Variants in NXPH1 observed in about 807,000 individuals in gnomAD.
NXPH1 encodes the protein neurexophilin 1.
In NXPH1, 5 loss-of-function variants were observed where a neutral mutation model predicts 23.7. The ratio of observed to expected loss-of-function variants is 0.21; its 90% confidence interval spans 0.11 to 0.44. The LOEUF is 0.44. NXPH1 is among the 20% of genes least tolerant of loss of function. The probability of loss-of-function intolerance (pLI) is 0.99; values close to 1 mark genes in which losing one functional copy is unlikely to be tolerated. For synonymous variants in NXPH1, 144 were observed against 122.2 expected (o/e 1.18, Z -1.18); for missense variants, 324 against 321.6 (o/e 1.01, Z -0.06).
At chr7:8,476,202 A>G (rs1816968569) in intron 2 of NXPH1, among the ~76,000 whole-genome samples, 1 of 152,176 alleles carries the variant, frequency 6.6e-6, no homozygotes, top group South Asian at 2.1e-4. Context: ...GTGTGTATTT[A>G]AAAGATGCCC....
chr7:8,525,498 A>G (rs1365372947), intron 2 of NXPH1, among the ~76,000 whole-genome samples: 1 of 152,210 alleles, frequency 6.6e-6, no homozygotes, highest in Non-Finnish European at 1.5e-5. Context: ...TTAATCCCCA[A>G]GACCATGGGG....
intron 2 of NXPH1, among the ~76,000 whole-genome samples, chr7:8,498,419 T>A (rs891510549): frequency 6.6e-6 from 1 of 152,082 alleles, no homozygotes; most frequent in Non-Finnish European, 1.5e-5. Context: ...TAATGACTAC[T>A]GGTTTATCAG....
chr7:8,633,353 A>C (rs1161429113), intron 2 of NXPH1, among the ~76,000 whole-genome samples: 5 of 152,150 alleles, frequency 3.3e-5, no homozygotes, highest in South Asian at 2.1e-4. Flanking sequence ...ACTTGAACCC[A>C]GGAGGCGGAG....
At chr7:8,527,087 T>C (rs933953633) in intron 2 of NXPH1, among the ~76,000 whole-genome samples, 1 of 152,192 alleles carries the variant, frequency 6.6e-6, no homozygotes, top group Admixed American at 6.5e-5. Flanking sequence ...TTAATTGGTA[T>C]TTGGGTAAAT....
In NXPH1 at chr7:8,572,964, G is replaced by A. The variant is rs533207063; in HGVS notation, c.54+137197G>A. ...TATGTTATTTTTTTTCTGATTAAAA[G>A]TAATACATGCAGGAATTTTGTAGAG... On this transcript the variant is annotated intron_variant, in intron 2 of 2. Coordinates refer to ENST00000405863, the MANE Select transcript of NXPH1 (RefSeq NM_152745.3). 4.6e-3 allele frequency among the ~76,000 whole-genome samples: 699 copies of A among 151,978 alleles called. 1 individual carries two copies. Among genetic ancestry groups the A allele is most frequent in the Non-Finnish European group, 8.1e-3 (547 of 67,910 alleles).
chr7:8,543,962 A>T (rs1176400285), intron 2 of NXPH1, among the ~76,000 whole-genome samples: 1 of 151,382 alleles, frequency 6.6e-6, no homozygotes, highest in African/African-American at 2.4e-5. Context: ...TTTTTTCTGG[A>T]GGCAATTGAG....
intron 2 of NXPH1, among the ~76,000 whole-genome samples, chr7:8,728,768 A>G (rs1780100047): frequency 6.6e-6 from 1 of 152,188 alleles, no homozygotes; most frequent in African/African-American, 2.4e-5. Context: ...TTTTTGCATC[A>G]ATATTCATCA....
rs559480791 is a variant in NXPH1 at position 8,593,774 on chromosome 7, T to C, written c.55-157234T>C. ...CTGTCGTTAACATGTAGAAAGTGGCTAATATTTTTAACAATGAGAACTGGC... is the reference window on the plus strand; with the variant it reads ...CTGTCGTTAACATGTAGAAAGTGGCCAATATTTTTAACAATGAGAACTGGC... On this transcript the variant is annotated intron_variant, in intron 2 of 2. Transcript: ENST00000405863. Among the ~76,000 whole-genome samples the C allele has an allele frequency of 1.6e-3, 239 of 152,176 alleles. 1 individual carries two copies. Among genetic ancestry groups the C allele is most frequent in the Non-Finnish European group, 2.3e-3 (159 of 67,960 alleles).
rs535284143 is a variant in NXPH1 at position 8,434,853 on chromosome 7, A to C, written c.-111+98A>C. 6.6e-6 allele frequency: 1 copy of C among 152,584 alleles called. No homozygotes were observed. The highest frequency in any genetic ancestry group is 1.5e-5 in the Non-Finnish European group (1 of 68,148). The allele number at this position is 152,584 out of a possible 1,614,324, so 9.5% of individuals were successfully genotyped here. A position where few individuals can be genotyped will look rare whatever the true frequency, so the allele number is the denominator to read the frequency against. On this transcript the variant is annotated intron_variant, in intron 1 of 2. Transcript: ENST00000405863. This position sits in a 1 kb window ranked among gnomAD's most constrained non-coding sequence, Gnocchi z 7.6. ...GGCAGGGAGGGGCGCTGGTTAGGAA[A>C]GAGAACAAGCCTGGCAGGTGACCCT...
At chr7:8,666,406 C>A (rs1290390677) in intron 2 of NXPH1, among the ~76,000 whole-genome samples, 2 of 151,866 alleles carry the variant, frequency 1.3e-5, no homozygotes, top group East Asian at 1.9e-4. Flanking sequence ...AATAAGAAAT[C>A]CTTTTAATAT....
Position 8,665,911 on chromosome 7 carries a change from TC to T in NXPH1, c.55-85096del, listed in dbSNP as rs1332272843. 1.5e-3 allele frequency among the ~76,000 whole-genome samples: 35 copies of T among 22,894 alleles called. 1 individual carries two copies. Among genetic ancestry groups the T allele is most frequent in the East Asian group, 0.015 (6 of 394 alleles). The allele number at this position is 22,894 out of a possible 152,430, so 15.0% of individuals were successfully genotyped here. A position where few individuals can be genotyped will look rare whatever the true frequency, so the allele number is the denominator to read the frequency against. The stretch of plus-strand genomic sequence containing the variant: ...TTATTAGTTCTAAGAGGTTTTTTTT[TC>T]TTTTTCTTTTTTTTTTTTTTTTGAA... On this transcript the variant is annotated intron_variant, in intron 2 of 2. Coordinates refer to ENST00000405863, the MANE Select transcript of NXPH1 (RefSeq NM_152745.3).
rs1780555628 is a variant in NXPH1, at chr7:8,751,053, A to C, written c.100A>C (p.Lys34Gln). The C allele has an allele frequency of 6.2e-7, 1 of 1,613,756 alleles. No homozygotes were observed. The highest frequency in any genetic ancestry group is 1.7e-5 in the Admixed American group (1 of 59,970). Residue 34 changes from lysine (K) to glutamine (Q), a missense_variant, in exon 3 of 3, where the codon AAA (lysine) becomes CAA (glutamine). Coordinates refer to ENST00000405863, the MANE Select transcript of NXPH1 (RefSeq NM_152745.3). The surrounding 1 kb of genome is among the most constrained non-coding windows in gnomAD (Gnocchi z 4.5). ...GAACGGTGGAAAGTCAGAACTTCTG[A>C]AATCAGGAAGCAGCAAATCCACACT... ...LTNGGKSELL[K>Q]SGSSKSTLKH...
intron 2 of NXPH1, among the ~76,000 whole-genome samples, chr7:8,638,311 A>G (rs1238420353): frequency 1.3e-5 from 2 of 152,148 alleles, no homozygotes; most frequent in Non-Finnish European, 2.9e-5. Context: ...GGCATATCAG[A>G]AAAAGCAGAG....
At chr7:8,507,119 G>A (rs1190630859) in intron 2 of NXPH1, among the ~76,000 whole-genome samples, 1 of 151,776 alleles carries the variant, frequency 6.6e-6, no homozygotes, top group Non-Finnish European at 1.5e-5. Context: ...GACCTGGAGA[G>A]AGGTGGGTGC....
chr7:8,745,074 C>G (rs1438802089), intron 2 of NXPH1, among the ~76,000 whole-genome samples: 2 of 152,208 alleles, frequency 1.3e-5, no homozygotes, highest in African/African-American at 2.4e-5. Flanking sequence ...GTTTAAATGC[C>G]TTAGCAGCAC....
intron 2 of NXPH1, among the ~76,000 whole-genome samples, chr7:8,457,291 T>C (rs1816612965): frequency 6.6e-6 from 1 of 152,172 alleles, no homozygotes; most frequent in Non-Finnish European, 1.5e-5. Flanking sequence ...GTAGCCTAAA[T>C]GTCTCAGACA....
At chr7:8,621,028 C>A (rs115548982) in intron 2 of NXPH1, among the ~76,000 whole-genome samples, 215 of 152,230 alleles carry the variant, frequency 1.4e-3, no homozygotes, top group African/African-American at 5.1e-3. Flanking sequence ...TGTTATGACA[C>A]TGAGGTAGGC....
intron 2 of NXPH1, among the ~76,000 whole-genome samples, chr7:8,698,216 G>C (rs1387677051): frequency 6.6e-6 from 1 of 152,126 alleles, no homozygotes; most frequent in Non-Finnish European, 1.5e-5. Context: ...TGTGTTGTTT[G>C]AATACTCAAC....
Position 8,484,849 on chromosome 7 carries a change from T to G in NXPH1, c.54+49082T>G, listed in dbSNP as rs183914687. Among the ~76,000 whole-genome samples the G allele has an allele frequency of 1.6e-3, 248 of 152,310 alleles. 2 individuals carry two copies. The highest frequency in any genetic ancestry group is 5.6e-3 in the African/African-American group (234 of 41,576). ...ATGACATTTTACCTCTGTTATTCTATACTCTATTTAGATACAGAAGCCATC... is the reference window on the plus strand; with the variant it reads ...ATGACATTTTACCTCTGTTATTCTAGACTCTATTTAGATACAGAAGCCATC... On this transcript the variant is annotated intron_variant, in intron 2 of 2. Transcript: ENST00000405863.
Sources: gnomAD v4.1 joint callset for allele counts (sites outside exome capture counted in the v4.1 genomes callset) on GRCh38, gnomAD v4.1.1 for gene constraint, Gnocchi (gnomAD v3.1) non-coding constraint, MANE v1.5 for transcripts, NCBI Gene and HGNC (gene_info 2026-07-23, HGNC 2026-07-21) for gene names.